The following AK5 variants were observed in gnomAD, a reference collection of about 807,000 sequenced individuals.
AK5 encodes adenylate kinase isoenzyme 5.
Under a neutral mutation model 69.5 loss-of-function variants are expected in AK5, and 27 were observed. The ratio of observed to expected loss-of-function variants is 0.39; its 90% CI spans 0.29 to 0.54. The LOEUF (loss-of-function observed/expected upper bound fraction) is 0.54. Ranked by LOEUF, AK5 falls within the 20% of genes least tolerant of loss-of-function variation. The pLI is 0.71. For synonymous variants in AK5, 260 were observed against 244.4 expected (o/e 1.06, Z -0.60); for missense variants, 531 against 700.4 (o/e 0.76, Z 2.73).
At chr1:77,317,821 A>G (rs953276523) in intron 5 of AK5, among the ~76,000 whole-genome samples, 6 of 152,338 alleles carry the variant, frequency 3.9e-5, no homozygotes, top group Non-Finnish European at 7.4e-5. Context: ...AAAAATGTGT[A>G]TTGTCCAGTC....
chr1:77,467,693 T>C (rs1654226416), intron 8 of AK5, among the ~76,000 whole-genome samples: 1 of 152,228 alleles, frequency 6.6e-6, no homozygotes, highest in Admixed American at 6.5e-5. Flanking sequence ...TGAAGAGGCA[T>C]TGATGACAAG....
intron 1 of AK5, among the ~76,000 whole-genome samples, chr1:77,284,814 C>T (rs552652531): frequency 1.3e-5 from 2 of 152,250 alleles, no homozygotes; most frequent in East Asian, 1.9e-4. Context: ...TTGAATTATC[C>T]GTGAAGGAAT....
chr1:77,494,277 T>C (rs1656168087), intron 10 of AK5, among the ~76,000 whole-genome samples: 1 of 152,222 alleles, frequency 6.6e-6, no homozygotes, highest in South Asian at 2.1e-4. Context: ...TTCAAGGAAA[T>C]GGCCAATGTT....
intron 6 of AK5, among the ~76,000 whole-genome samples, chr1:77,364,640 G>A (rs1349298375): frequency 6.6e-6 from 1 of 152,038 alleles, no homozygotes; most frequent in East Asian, 1.9e-4. Context: ...TTCTGTTCCT[G>A]GCTTATTTTA....
At chr1:77,451,137 C>G (rs1653124193) in intron 8 of AK5, among the ~76,000 whole-genome samples, 1 of 151,768 alleles carries the variant, frequency 6.6e-6, no homozygotes, top group South Asian at 2.1e-4. Context: ...GATTCTACCA[C>G]TGCACTACAG....
chr1:77,465,933 A>T lies in AK5; in HGVS notation c.1060-17384A>T, dbSNP rs149651078. Among the ~76,000 whole-genome samples, 353 of 152,326 alleles carry T rather than the reference A, an allele frequency of 2.3e-3. 3 individuals are homozygous for T. Among genetic ancestry groups the T allele is most frequent in the African/African-American group, 8.3e-3 (343 of 41,574 alleles). On this transcript the variant is annotated intron_variant, in intron 8 of 13. Coordinates refer to ENST00000354567, the MANE Select transcript of AK5 (RefSeq NM_174858.3). ...TGTTCTTCCCACTTGAGACAGAAGG[A>T]AACCTCCAGGCCATGCTTTACACAG... is the stretch of plus-strand genomic sequence containing the variant.
At position 77,483,375 on chromosome 1, in the gene AK5, T is replaced by G; in HGVS notation, c.1102+16T>G. The G allele has an allele frequency of 6.2e-7, 1 of 1,604,736 alleles. No individual in the cohort carries two copies. The highest frequency in any genetic ancestry group is 1.3e-5 in the African/African-American group (1 of 74,856). ...ACTATGGGAGGTGAGTTTTCCTTACTGATCAGATCAAAGTTGTCATTTTAG... is the reference window on the plus strand; with the variant it reads ...ACTATGGGAGGTGAGTTTTCCTTACGGATCAGATCAAAGTTGTCATTTTAG... On this transcript the variant is annotated intron_variant, in intron 9 of 13. Coordinates refer to ENST00000354567, the MANE Select transcript of AK5 (RefSeq NM_174858.3).
At chr1:77,467,828 T>C (rs1172824105) in intron 8 of AK5, among the ~76,000 whole-genome samples, 1 of 152,190 alleles carries the variant, frequency 6.6e-6, no homozygotes, top group Non-Finnish European at 1.5e-5. Context: ...ACCAGCCCTG[T>C]CCTCTCTCAA....
chr1:77,520,540 T>G (rs1657922989), intron 11 of AK5, among the ~76,000 whole-genome samples: 1 of 152,216 alleles, frequency 6.6e-6, no homozygotes, highest in Non-Finnish European at 1.5e-5. Flanking sequence ...AGCCTGTTCC[T>G]GCCTCAGGGC....
chr1:77,303,503 T>C (rs568456136), intron 5 of AK5, among the ~76,000 whole-genome samples: 5 of 152,388 alleles, frequency 3.3e-5, no homozygotes, highest in South Asian at 2.1e-4. Context: ...CAAATCTCTT[T>C]AACTTCTAGC....
rs542470253 is a variant in AK5, at chr1:77,401,338, A to C, written c.892-9643A>C. 7.2e-5 allele frequency among the ~76,000 whole-genome samples: 11 copies of C among 152,332 alleles called. No homozygotes were observed. The East Asian group carries it at 2.1e-3, about 29-fold the overall frequency. ...AAATTTTGAAGGGCCAGTTATTTGC[A>C]TGTTGAAGGAGCTTCAGTAACAAAC... is the stretch of plus-strand genomic sequence containing the variant. On this transcript the variant is annotated intron_variant, in intron 6 of 13. Transcript: ENST00000354567.
chr1:77,421,601 A>AC (rs1428501761), intron 8 of AK5, among the ~76,000 whole-genome samples: 1 of 152,130 alleles, frequency 6.6e-6, no homozygotes, highest in East Asian at 1.9e-4. Context: ...CACTGGCTCT[A>AC]CCTAGATGCA....
chr1:77,361,987 A>G (rs1049698334), intron 6 of AK5, among the ~76,000 whole-genome samples: 42 of 152,156 alleles, frequency 2.8e-4, no homozygotes, highest in African/African-American at 9.4e-4. Flanking sequence ...ACTTACCATG[A>G]CTGTGCCCCA....
At chr1:77,476,483 T>A (rs1654942608) in intron 8 of AK5, among the ~76,000 whole-genome samples, 1 of 152,192 alleles carries the variant, frequency 6.6e-6, no homozygotes. Flanking sequence ...AAATTCATTT[T>A]CAGATCATTG....
chr1:77,395,219 T>C (rs1014418542), intron 6 of AK5, among the ~76,000 whole-genome samples: 3 of 152,232 alleles, frequency 2.0e-5, no homozygotes, highest in Non-Finnish European at 4.4e-5. Context: ...CTCTTTGTCA[T>C]TTTGTAAAAG....
chr1:77,288,527 T>C (rs1193913544), intron 2 of AK5, among the ~76,000 whole-genome samples: 1 of 152,072 alleles, frequency 6.6e-6, no homozygotes, highest in Non-Finnish European at 1.5e-5. Context: ...TTTATTTGAA[T>C]GCAGTGTGGG....
intron 6 of AK5, among the ~76,000 whole-genome samples, chr1:77,377,536 A>G (rs550237905): frequency 1.3e-5 from 2 of 152,090 alleles, no homozygotes; most frequent in East Asian, 3.9e-4. Context: ...ACAATAACTC[A>G]CTGCTTTCCC....
chr1:77,283,049 G>C (rs1257209169), intron 1 of AK5: 1 of 985,492 alleles, frequency 1.0e-6, no homozygotes, highest in African/African-American at 1.7e-5. Context: ...ATAGCGGGTC[G>C]GGGAGGGAGC....
intron 10 of AK5, among the ~76,000 whole-genome samples, chr1:77,508,484 G>A (rs986395872): frequency 2.0e-5 from 3 of 152,156 alleles, no homozygotes; most frequent in South Asian, 2.1e-4. Flanking sequence ...TGTGCTGGGC[G>A]TAAAAACCTC....
Sources: allele counts gnomAD v4.1 joint callset (sites outside exome capture counted in the v4.1 genomes callset), GRCh38; gene constraint gnomAD v4.1.1; transcripts MANE v1.5; gene names NCBI Gene and HGNC (gene_info 2026-07-23, HGNC 2026-07-21).